JPH3: variants seen among roughly 807,000 people sequenced by gnomAD.
JPH3 encodes the protein junctophilin-3.
A neutral mutation model predicts 59.6 loss-of-function variants in JPH3; 11 were observed. That is an observed-to-expected ratio of 0.18 (90% confidence interval 0.12 to 0.31). JPH3 has a LOEUF of 0.31. Ranked by LOEUF, JPH3 falls within the 10% of genes least tolerant of loss-of-function variation. JPH3 has a pLI of 1.00. For missense variants in JPH3, 1,202 were observed against 1,105.7 expected (o/e 1.09, Z -1.24); for synonymous variants, 673 against 483.6 (o/e 1.39, Z -5.14).
At chr16:87,641,552 C>A (rs141808776) in intron 1 of JPH3, among the ~76,000 whole-genome samples, 1 of 152,332 alleles carries the variant, frequency 6.6e-6, no homozygotes, top group Admixed American at 6.5e-5. Context: ...TCTGCTGCCA[C>A]GTCCTTCTTC....
At chr16:87,627,593 C>T (rs2031423782) in intron 1 of JPH3, among the ~76,000 whole-genome samples, 1 of 152,208 alleles carries the variant, frequency 6.6e-6, no homozygotes, top group South Asian at 2.1e-4. Flanking sequence ...CTGTTGGTGC[C>T]AGGCATCTGG....
rs1220536838 is a variant in JPH3 at position 87,644,238 on chromosome 16, C to T, written c.383-20C>T. On this transcript the variant is annotated intron_variant, in intron 1 of 4. Transcript: ENST00000284262. The stretch of plus-strand genomic sequence containing the variant: ...CTCCTCTGTCGCTGGGCACTCACCC[C>T]TCTCTCATTTTCTCCCCAGGGACCT... 1.9e-6 allele frequency: 3 copies of T among 1,585,418 alleles called. No homozygotes were observed. The highest frequency in any genetic ancestry group is 2.2e-5 in the East Asian group (1 of 44,604).
In JPH3 at chr16:87,689,651, G is replaced by A; in HGVS notation, c.1291G>A (p.Glu431Lys). 6.2e-7 allele frequency: 1 copy of A among 1,611,694 alleles called. No individual in the cohort carries two copies. Among genetic ancestry groups the A allele is most frequent in the Non-Finnish European group, 8.5e-7 (1 of 1,179,442 alleles). The stretch of plus-strand genomic sequence containing the variant: ...CGTCTTGTGTCCCCATACAGGGCTG[G>A]AGTACCAGAGGCCGAAGCGTCAGAC... ...PSFQHRENGL[E>K]YQRPKRQTSC... The change falls in exon 4 of 5, where the codon GAG (glutamate) becomes AAG (lysine). Residue 431 changes from glutamate to lysine, a missense_variant. Physicochemically the swap from Glu to Lys is moderately conservative, Grantham distance 56. Transcript: ENST00000284262.
chr16:87,681,197 CA>C (rs1597286972), intron 2 of JPH3, among the ~76,000 whole-genome samples: 1 of 148,230 alleles, frequency 6.7e-6, no homozygotes, highest in East Asian at 2.0e-4. Context: ...AGGTCAGGTG[CA>C]CGCGGTGATG....
chr16:87,695,619 G>C (rs1000753205), intron 4 of JPH3: 1 of 455,910 alleles, frequency 2.2e-6, no homozygotes. Flanking sequence ...TCCTGGGCTG[G>C]GGCCACCGTC....
chr16:87,641,649 G>A (rs1231453846), intron 1 of JPH3, among the ~76,000 whole-genome samples: 1 of 152,242 alleles, frequency 6.6e-6, no homozygotes, highest in African/African-American at 2.4e-5. Flanking sequence ...TGCCCTCAGA[G>A]GCTGCGTTGC....
At chr16:87,610,132 C>T (rs1439444492) in intron 1 of JPH3, among the ~76,000 whole-genome samples, 1 of 152,176 alleles carries the variant, frequency 6.6e-6, no homozygotes, top group Non-Finnish European at 1.5e-5. Flanking sequence ...TCTAATGCTG[C>T]TGCTGATCTC....
rs774586863 is a variant in JPH3 at position 87,603,108 on chromosome 16, G to GT, written c.-35dup. On this transcript the variant is annotated 5_prime_UTR_variant, in exon 1 of 5. Transcript: ENST00000284262. ...TCTGCTGTGTCGATCGCCTGAGTCC[G>GT]TTTTCACCGTTTGCGGGATCTGGAA... 6.2e-7 allele frequency: 1 copy of GT among 1,613,454 alleles called. No homozygotes were observed. The highest frequency in any genetic ancestry group is 1.3e-5 in the African/African-American group (1 of 75,026).
At chr16:87,639,317 C>G (rs1255026690) in intron 1 of JPH3, among the ~76,000 whole-genome samples, 35 of 151,684 alleles carry the variant, frequency 2.3e-4, no homozygotes, top group Non-Finnish European at 1.5e-5. Flanking sequence ...TCAAGTCTGT[C>G]TGAGGCCTCC....
Position 87,644,431 on chromosome 16 carries a change from G to T in JPH3, c.556G>T (p.Ala186Ser), listed in dbSNP as rs537168569. 1 of 1,612,060 alleles carries T rather than the reference G, an allele frequency of 6.2e-7. No homozygotes were observed. Among genetic ancestry groups the T allele is most frequent in the Admixed American group, 1.7e-5 (1 of 59,970 alleles). ...ALHPDASPAV[A>S]GSPAVSRGGF... ...GCATCCCGACGCCTCTCCGGCGGTG[G>T]CCGGCAGCCCGGCCGTGTCCCGCGG... is the stretch of plus-strand genomic sequence containing the variant. The change falls in exon 2 of 5, where the codon GCC becomes TCC. Residue 186 changes from alanine to serine, a missense_variant. By Grantham distance (99) the Ala-to-Ser change is moderately conservative (BLOSUM62 1). Transcript: ENST00000284262.
At chr16:87,637,391 GGA>G (rs149512628) in intron 1 of JPH3, among the ~76,000 whole-genome samples, 49 of 84,018 alleles carry the variant, frequency 5.8e-4, no homozygotes, top group South Asian at 1.3e-3. Flanking sequence ...ATGTTATGGG[GGA>G]GAGAGAGAGA....
chr16:87,696,137 TGCATCTGACACTGGCCATGGCA>T, intron 4 of JPH3: 1 of 458,200 alleles, frequency 2.2e-6, no homozygotes, highest in South Asian at 1.5e-5. Flanking sequence ...TCTGCTGGGC[TGCATCTGACACTGGCCATGGCA>T]GCCATGCGGG....
intron 2 of JPH3, among the ~76,000 whole-genome samples, chr16:87,650,401 T>G (rs1463880406): frequency 6.6e-6 from 1 of 152,134 alleles, no homozygotes; most frequent in African/African-American, 2.4e-5. Context: ...GTCTCCCTAT[T>G]CCCTGAGACA....
At chr16:87,659,285 G>C (rs1567603431) in intron 2 of JPH3, among the ~76,000 whole-genome samples, 1 of 148,248 alleles carries the variant, frequency 6.7e-6, no homozygotes. Flanking sequence ...GCTGAGGCAT[G>C]AGAATCACTT....
chr16:87,636,251 G>A (rs60579188), intron 1 of JPH3, among the ~76,000 whole-genome samples: 2,279 of 152,320 alleles, frequency 0.015, 70 homozygotes, highest in African/African-American at 0.052. Context: ...GGTGGGGGCG[G>A]GGGCGTCCTG....
At chr16:87,630,836 T>G (rs1221711011) in intron 1 of JPH3, among the ~76,000 whole-genome samples, 1 of 152,216 alleles carries the variant, frequency 6.6e-6, no homozygotes, top group Admixed American at 6.5e-5. Flanking sequence ...TTCAATCCCT[T>G]AGACCCCCAT....
chr16:87,684,024 G>T (rs2033356781), intron 2 of JPH3, 118 bp from the exon 3 acceptor site: 2 of 665,600 alleles, frequency 3.0e-6, no homozygotes, highest in Admixed American at 2.7e-5. Flanking sequence ...GTAAACATGG[G>T]GTGCCAGCAT....
intron 1 of JPH3, among the ~76,000 whole-genome samples, chr16:87,603,894 C>T (rs990232385): frequency 3.9e-5 from 6 of 152,368 alleles, no homozygotes; most frequent in African/African-American, 1.4e-4. Flanking sequence ...AAGGGCCCCT[C>T]CCCTTGTTGG....
rs1377484650 is a variant in JPH3, at chr16:87,698,087, A to G, written c.*1427A>G. 1 of 152,614 alleles carries G rather than the reference A, an allele frequency of 6.6e-6. No individual in the cohort carries two copies. Among genetic ancestry groups the G allele is most frequent in the Non-Finnish European group, 1.5e-5 (1 of 68,036 alleles). The allele number at this position is 152,614 out of a possible 1,614,324, so 9.5% of individuals were successfully genotyped here. Reference sequence around the variant, plus strand: ...TGCTACCTTTCGAGCAGACTTCTTTACTACACTGCACTGGATTGCTATATT... The same window carrying G: ...TGCTACCTTTCGAGCAGACTTCTTTGCTACACTGCACTGGATTGCTATATT... On this transcript the variant is annotated 3_prime_UTR_variant, in exon 5 of 5. Coordinates refer to ENST00000284262, the MANE Select transcript of JPH3 (RefSeq NM_020655.4).
Sources: allele counts gnomAD v4.1 joint callset (sites outside exome capture counted in the v4.1 genomes callset), GRCh38; gene constraint gnomAD v4.1.1; transcripts MANE v1.5; gene names NCBI Gene and HGNC (gene_info 2026-07-23, HGNC 2026-07-21).